Variants in ZKSCAN1 observed in about 807,000 individuals in gnomAD.
ZKSCAN1 encodes the protein zinc finger with KRAB and SCAN domains 1.
Under a neutral mutation model 51.6 loss-of-function variants are expected in ZKSCAN1, and 14 were observed. The ratio of observed to expected loss-of-function variants is 0.27; its 90% CI spans 0.18 to 0.42. The LOEUF is 0.42. ZKSCAN1 is among the 10% of genes least tolerant of loss of function. The pLI is 1.00. For missense variants in ZKSCAN1, 531 were observed against 710.0 expected, an observed-to-expected ratio of 0.75 and a Z score of 2.86; for synonymous variants, 263 against 261.5, an observed-to-expected ratio of 1.01 and a Z score of -0.06.
rs969717717 is a variant in ZKSCAN1 at position 100,030,205 on chromosome 7, C to G, written c.673-44C>G. ...TCCAGGTTTGAGCAATGGGATTGTC[C>G]CTGAGTTTGGGGGGAAATGACTGTT... On this transcript the variant is annotated intron_variant, in intron 4 of 5. Coordinates refer to ENST00000324306, the MANE Select transcript of ZKSCAN1 (RefSeq NM_003439.4). The G allele has an allele frequency of 2.5e-6, 4 of 1,601,008 alleles. No individual in the cohort carries two copies. In the African/African-American group the frequency reaches 4.0e-5, roughly 16 times the overall value.
chr7:100,023,534 A>G lies in ZKSCAN1; in HGVS notation c.28A>G (p.Thr10Ala). Residue 10 changes from threonine to alanine, a missense_variant, in exon 2 of 6, where the codon ACG becomes GCG. This residue lies in a region of ZKSCAN1 where 403 missense variants were observed against 490.5 expected (regional missense o/e 0.82). Transcript: ENST00000324306. Reference sequence around the variant, plus strand: ...GATGACTGCTGAATCACGGGAAGCCACGGGTCTGTCCCCACAGGCTGCACA... The same window carrying G: ...GATGACTGCTGAATCACGGGAAGCCGCGGGTCTGTCCCCACAGGCTGCACA... Reference protein sequence around the residue: MMTAESREATGLSPQAAQEK... With the variant: MMTAESREAAGLSPQAAQEK... 6.2e-7 allele frequency: 1 copy of G among 1,612,592 alleles called. No homozygotes were observed. Among genetic ancestry groups the G allele is most frequent in the Non-Finnish European group, 8.5e-7 (1 of 1,179,704 alleles).
In ZKSCAN1 at chr7:100,040,884, T is replaced by G. The variant is rs2116000731; in HGVS notation, c.*6687T>G. The G allele has an allele frequency of 2.0e-6, 2 of 985,394 alleles. No homozygotes were observed. The highest frequency in any genetic ancestry group is 9.4e-5 in the South Asian group (2 of 21,288). The allele number at this position is 985,394 out of a possible 1,614,324, so 61.0% of individuals were successfully genotyped here. On this transcript the variant is annotated 3_prime_UTR_variant, in exon 6 of 6. Coordinates refer to ENST00000324306, the MANE Select transcript of ZKSCAN1 (RefSeq NM_003439.4). The stretch of plus-strand genomic sequence containing the variant: ...ATGCTTCTGCTGATCGCAGGGGTTC[T>G]TATTTGAAAACATCTATGATGGGGG...
chr7:100,025,763 T>C (rs1039487514), intron 3 of ZKSCAN1, among the ~76,000 whole-genome samples: 7 of 152,180 alleles, frequency 4.6e-5, no homozygotes, highest in Admixed American at 1.3e-4. Context: ...TTTGTGTATC[T>C]AAACATCGAA....
At position 100,024,335 on chromosome 7, in the gene ZKSCAN1, A is replaced by T. The variant is rs990618086; in HGVS notation, c.580+28A>T. The T allele has an allele frequency of 6.8e-6, 11 of 1,611,856 alleles. No individual in the cohort carries two copies. The African/African-American group carries it at 1.5e-4, about 22-fold the overall frequency. Reference sequence around the variant, plus strand: ...AAGAAGCAAGGTTTCATTTAGGGGAAGGGAAATGATTCAGGACGAGAGTCT... The same window carrying T: ...AAGAAGCAAGGTTTCATTTAGGGGATGGGAAATGATTCAGGACGAGAGTCT... On this transcript the variant is annotated intron_variant, in intron 3 of 5. Transcript: ENST00000324306.
At chr7:100,022,866 G>A (rs1207569831) in intron 1 of ZKSCAN1, among the ~76,000 whole-genome samples, 11 of 152,150 alleles carry the variant, frequency 7.2e-5, no homozygotes, top group Non-Finnish European at 1.3e-4. Flanking sequence ...GCTCCATTTC[G>A]TAACCTGCTG....
chr7:100,043,068 G>A (rs898952973), downstream of ZKSCAN1, among the ~76,000 whole-genome samples: 3 of 152,020 alleles, frequency 2.0e-5, no homozygotes, highest in Admixed American at 6.6e-5. Context: ...CCAAAGTGCT[G>A]GGATTACAGG....
rs966975172 is a variant in ZKSCAN1 at position 100,039,917 on chromosome 7, TA to T, written c.*5721del. The T allele has an allele frequency of 3.1e-6, 3 of 980,260 alleles. No individual in the cohort carries two copies. In the African/African-American group the frequency reaches 5.3e-5, roughly 17 times the overall value. The allele number at this position is 980,260 out of a possible 1,614,324, so 60.7% of individuals were successfully genotyped here. ...TTTCATAGAAATTAGGGTAGATTTTTATTTCAACTACTACTGGAGAATTTAA... is the reference window on the plus strand; with the variant it reads ...TTTCATAGAAATTAGGGTAGATTTTTTTTCAACTACTACTGGAGAATTTAA... On this transcript the variant is annotated 3_prime_UTR_variant, in exon 6 of 6. Transcript: ENST00000324306.
In ZKSCAN1 at chr7:100,040,735, C is replaced by T; in HGVS notation, c.*6538C>T. ...GGCCTGAGGAGGGGCCGAGGAAAGGCTGTTGGGGTGTGCTGGGGTTGGTAC... is the reference window on the plus strand; with the variant it reads ...GGCCTGAGGAGGGGCCGAGGAAAGGTTGTTGGGGTGTGCTGGGGTTGGTAC... On this transcript the variant is annotated 3_prime_UTR_variant, in exon 6 of 6. Coordinates refer to ENST00000324306, the MANE Select transcript of ZKSCAN1 (RefSeq NM_003439.4). 1 of 985,486 alleles carries T rather than the reference C, an allele frequency of 1.0e-6. No homozygotes were observed. Among genetic ancestry groups the T allele is most frequent in the Non-Finnish European group, 1.2e-6 (1 of 829,984 alleles). 61.0% of individuals were successfully genotyped at this position (985,486 alleles called of 1,614,324 possible). A position where few individuals can be genotyped will look rare whatever the true frequency, so the allele number is the denominator to read the frequency against.
At position 100,033,186 on chromosome 7, in the gene ZKSCAN1, TAAA is replaced by T. The variant is rs1791186750; in HGVS notation, c.800-116_800-114del. On this transcript the variant is annotated intron_variant, in intron 5 of 5. Coordinates refer to ENST00000324306, the MANE Select transcript of ZKSCAN1 (RefSeq NM_003439.4). This position sits in a 1 kb window ranked among gnomAD's most constrained non-coding sequence, Gnocchi z 4.1. ...GACTCTGTCTCAAAGGAAATAAAAA[TAAA>T]AATATTGCAAAGTCATTTTGCAGCC... 1.4e-5 allele frequency: 20 copies of T among 1,438,722 alleles called. No homozygotes were observed. The South Asian group carries it at 3.1e-4, about 22-fold the overall frequency. The allele number at this position is 1,438,722 out of a possible 1,614,324, so 89.1% of individuals were successfully genotyped here. A position where few individuals can be genotyped will look rare whatever the true frequency, so the allele number is the denominator to read the frequency against.
chr7:100,034,360 A>G lies in ZKSCAN1; in HGVS notation c.*163A>G, dbSNP rs1299531697. ...CATCAGCAGTGTTCTGCCTTTATGT[A>G]GTAGTTGGGCATATAATCCTTCCAC... On this transcript the variant is annotated 3_prime_UTR_variant, in exon 6 of 6. Transcript: ENST00000324306. 3 of 1,381,576 alleles carry G rather than the reference A, an allele frequency of 2.2e-6. No individual in the cohort carries two copies. Among genetic ancestry groups the G allele is most frequent in the Non-Finnish European group, 2.8e-6 (3 of 1,076,040 alleles). The allele number at this position is 1,381,576 out of a possible 1,614,324, so 85.6% of individuals were successfully genotyped here. A position where few individuals can be genotyped will look rare whatever the true frequency, so the allele number is the denominator to read the frequency against.
At chr7:100,022,407 C>G (rs1790630193) in intron 1 of ZKSCAN1, among the ~76,000 whole-genome samples, 1 of 152,244 alleles carries the variant, frequency 6.6e-6, no homozygotes, top group Non-Finnish European at 1.5e-5. Context: ...ATAAACCAGT[C>G]TACATCACAA....
intron 3 of ZKSCAN1, among the ~76,000 whole-genome samples, chr7:100,027,199 A>G (rs2115882759): frequency 6.6e-6 from 1 of 152,068 alleles, no homozygotes; most frequent in Non-Finnish European, 1.5e-5. Flanking sequence ...CAGGAGGCTG[A>G]GACACAAGAA....
intron 3 of ZKSCAN1, among the ~76,000 whole-genome samples, chr7:100,028,389 C>T (rs1790937749): frequency 6.6e-6 from 1 of 152,062 alleles, no homozygotes; most frequent in Non-Finnish European, 1.5e-5. Context: ...TGGCTCACAC[C>T]TGTAATCCTA....
intron 1 of ZKSCAN1, among the ~76,000 whole-genome samples, chr7:100,018,103 G>A (rs148051100): frequency 6.6e-6 from 1 of 152,252 alleles, no homozygotes; most frequent in East Asian, 1.9e-4. Flanking sequence ...GGAAACTGAC[G>A]CATAGAGAGG....
At chr7:100,044,621 C>G (rs1327868961), downstream of ZKSCAN1, among the ~76,000 whole-genome samples, 1 of 142,106 alleles carries the variant, frequency 7.0e-6, no homozygotes, top group Non-Finnish European at 1.5e-5. Context: ...GTGGAGCTTG[C>G]AATGAGCTGA....
At chr7:100,031,738 A>T (rs2115923303) in intron 5 of ZKSCAN1, among the ~76,000 whole-genome samples, 1 of 152,264 alleles carries the variant, frequency 6.6e-6, no homozygotes, top group Admixed American at 6.5e-5. Flanking sequence ...GTTGGATAGA[A>T]ACTATTTCCT....
At position 100,040,613 on chromosome 7, in the gene ZKSCAN1, AT is replaced by A; in HGVS notation, c.*6418del. 1.0e-6 allele frequency: 1 copy of A among 985,440 alleles called. No individual in the cohort carries two copies. The highest frequency in any genetic ancestry group is 1.2e-6 in the Non-Finnish European group (1 of 829,936). 61.0% of individuals were successfully genotyped at this position (985,440 alleles called of 1,614,324 possible). A position where few individuals can be genotyped will look rare whatever the true frequency, so the allele number is the denominator to read the frequency against. On this transcript the variant is annotated 3_prime_UTR_variant, in exon 6 of 6. Coordinates refer to ENST00000324306, the MANE Select transcript of ZKSCAN1 (RefSeq NM_003439.4). ...GCCACAGTTGCCCTAAATCTCCATCATTAAGTCTTCCAGCAAGGTTAAGTGC... is the reference window on the plus strand; with the variant it reads ...GCCACAGTTGCCCTAAATCTCCATCATAAGTCTTCCAGCAAGGTTAAGTGC...
chr7:100,029,469 G>C (rs1274038958), intron 3 of ZKSCAN1, among the ~76,000 whole-genome samples: 2 of 152,124 alleles, frequency 1.3e-5, no homozygotes, highest in Admixed American at 1.3e-4. Context: ...CCTTGGACTG[G>C]AGGAAATTAG....
At chr7:100,021,116 C>CTTTTTTTTTTTTTTTTTTTTT (rs60632908) in intron 1 of ZKSCAN1, among the ~76,000 whole-genome samples, 1 of 85,290 alleles carries the variant, frequency 1.2e-5, no homozygotes, top group African/African-American at 4.3e-5. Context: ...TTTTTTTTTC[C>CTTTTTTTTTTTTTTTTTTTTT]TTTTTTTTTT....
Sources: allele counts gnomAD v4.1 joint callset (sites outside exome capture counted in the v4.1 genomes callset), GRCh38; gene constraint gnomAD v4.1.1; regional missense constraint gnomAD v4.1.1; non-coding constraint Gnocchi (gnomAD v3.1); transcripts MANE v1.5; gene names NCBI Gene and HGNC (gene_info 2026-07-23, HGNC 2026-07-21).